The following MTRFR variants were observed in gnomAD, a reference collection of about 807,000 sequenced individuals.
MTRFR encodes probable peptide chain release factor C12orf65, mitochondrial.
MTRFR carries 10 observed loss-of-function variants against 11.9 expected under a neutral mutation model. The observed-to-expected ratio is 0.84, with a 90% CI of 0.52 to 1.42. The LOEUF is 1.42. Among genes scored for constraint, MTRFR ranks in the 40% most tolerant of loss-of-function variants. The pLI is 0.00. For missense variants in MTRFR, 196 were observed against 197.9 expected (o/e 0.99, Z 0.06); for synonymous variants, 77 against 79.1 (o/e 0.97, Z 0.14).
At chr12:123,255,815 C>G (rs1244361233) in intron 2 of MTRFR, among the ~76,000 whole-genome samples, 1 of 152,138 alleles carries the variant, frequency 6.6e-6, no homozygotes, top group African/African-American at 2.4e-5. Context: ...TTACTAGAGA[C>G]AAGGTTTCAC....
intron 1 of MTRFR, among the ~76,000 whole-genome samples, chr12:123,251,725 A>C (rs1191898568): frequency 6.6e-6 from 1 of 152,200 alleles, no homozygotes; most frequent in East Asian, 1.9e-4. Flanking sequence ...CGCTTCCTTC[A>C]GAGGGTCTGT....
intron 1 of MTRFR, among the ~76,000 whole-genome samples, chr12:123,241,943 G>A (rs950379161): frequency 6.6e-6 from 1 of 152,196 alleles, no homozygotes; most frequent in African/African-American, 2.4e-5. Context: ...AGGATGAGGG[G>A]CATAGAAAGT....
chr12:123,253,792 C>A lies in MTRFR; in HGVS notation c.118C>A (p.Pro40Thr), dbSNP rs1372097501. Reference sequence around the variant, plus strand: ...GTTATCCCCAGGAATAGCTGTCACTCCGGTCCAGATGGCAGGCAAGAAGGA... The same window carrying A: ...GTTATCCCCAGGAATAGCTGTCACTACGGTCCAGATGGCAGGCAAGAAGGA... ...TLLSPGIAVT[P>T]VQMAGKKDYP... Residue 40 changes from proline to threonine, a missense_variant, in exon 2 of 3, where the codon CCG becomes ACG. Pro to Thr is a conservative substitution (Grantham distance 38). Coordinates refer to ENST00000253233, the MANE Select transcript of MTRFR (RefSeq NM_152269.5). The A allele has an allele frequency of 6.2e-7, 1 of 1,614,104 alleles. No individual in the cohort carries two copies. The highest frequency in any genetic ancestry group is 8.5e-7 in the Non-Finnish European group (1 of 1,180,054).
At chr12:123,243,265 T>C (rs2138761441) in intron 1 of MTRFR, among the ~76,000 whole-genome samples, 1 of 150,352 alleles carries the variant, frequency 6.7e-6, no homozygotes, top group East Asian at 2.1e-4. Flanking sequence ...GCGCAATGGC[T>C]CACGCCTGTA....
chr12:123,240,845 T>C (rs1419423594), intron 1 of MTRFR, among the ~76,000 whole-genome samples: 2 of 149,984 alleles, frequency 1.3e-5, no homozygotes, highest in Non-Finnish European at 3.0e-5. Context: ...GCGATTCTCC[T>C]GCCTCAGCCT....
intron 1 of MTRFR, among the ~76,000 whole-genome samples, chr12:123,241,156 TTG>T (rs1384579890): frequency 2.0e-5 from 3 of 149,424 alleles, no homozygotes; most frequent in Middle Eastern, 3.4e-3. Flanking sequence ...TTTTTTGTTT[TTG>T]TTTTTTTTTT....
At chr12:123,248,864 A>G (rs1282038682) in intron 1 of MTRFR, 1 of 152,192 alleles carries the variant, frequency 6.6e-6, no homozygotes, top group Non-Finnish European at 1.5e-5. Context: ...CAGGGTGCTG[A>G]TTGGTGCGTT....
chr12:123,254,472 TC>T (rs1399308971), intron 2 of MTRFR: 1 of 169,060 alleles, frequency 5.9e-6, no homozygotes, highest in Non-Finnish European at 1.3e-5. Context: ...GGTGGCCACA[TC>T]CTCCACGCCT....
At chr12:123,239,624 G>C (rs1357161430) in intron 1 of MTRFR, among the ~76,000 whole-genome samples, 2 of 152,046 alleles carry the variant, frequency 1.3e-5, no homozygotes, top group Non-Finnish European at 2.9e-5. Flanking sequence ...GGATGGTCTC[G>C]ATCTCCTGAC....
chr12:123,253,202 C>T (rs572006448), intron 1 of MTRFR, among the ~76,000 whole-genome samples: 268 of 148,292 alleles, frequency 1.8e-3, no homozygotes, highest in African/African-American at 6.3e-3. Flanking sequence ...CCACCAAGCC[C>T]GGCTAATTTT....
chr12:123,234,894 C>T (rs1298141082), intron 1 of MTRFR, among the ~76,000 whole-genome samples: 1 of 152,130 alleles, frequency 6.6e-6, no homozygotes, highest in African/African-American at 2.4e-5. Context: ...ATTTCACAGA[C>T]CAGAATTATG....
rs1253690376 is a variant in MTRFR at position 123,253,827 on chromosome 12, A to G, written c.153A>G (p.Ala51=). ...VQMAGKKDYP[A]LLSLDENELE... is the part of the protein sequence containing the mutation. ...TGGCAGGCAAGAAGGACTACCCTGCACTGCTTTCCTTGGATGAGAATGAAC... is the reference window on the plus strand; with the variant it reads ...TGGCAGGCAAGAAGGACTACCCTGCGCTGCTTTCCTTGGATGAGAATGAAC... The change falls in exon 2 of 3, where the codon GCA becomes GCG. Residue 51 remains alanine, a synonymous_variant. Transcript: ENST00000253233. 2.5e-6 allele frequency: 4 copies of G among 1,614,092 alleles called. No individual in the cohort carries two copies. The Admixed American group carries it at 5.0e-5, about 20-fold the overall frequency.
At chr12:123,236,506 C>T (rs937194198) in intron 1 of MTRFR, among the ~76,000 whole-genome samples, 2 of 151,178 alleles carry the variant, frequency 1.3e-5, no homozygotes, top group African/African-American at 4.9e-5. Flanking sequence ...GGCAAAGAAG[C>T]TTGCTTGAGC....
intron 1 of MTRFR, among the ~76,000 whole-genome samples, chr12:123,240,347 A>T (rs371065707): frequency 6.8e-6 from 1 of 147,968 alleles, no homozygotes; most frequent in African/African-American, 2.5e-5. Flanking sequence ...GACTCCGTCT[A>T]AAAAAAAAAG....
chr12:123,254,233 A>G (rs1197681115), intron 2 of MTRFR: 3 of 461,842 alleles, frequency 6.5e-6, no homozygotes, highest in Non-Finnish European at 1.2e-5. Context: ...GGCAGACAGC[A>G]CTGGTGCTTG....
intron 1 of MTRFR, chr12:123,250,033 T>G (rs771865418): frequency 6.6e-6 from 1 of 152,246 alleles, no homozygotes; most frequent in African/African-American, 2.4e-5. Flanking sequence ...GTTTGGTCGT[T>G]TAACACAATC....
rs147098739 is a variant in MTRFR, at chr12:123,256,856, G to A, written c.326G>A (p.Arg109Gln). ...RSVDQNRKLA[R>Q]KILQEKVDVF... ...GTTGATCAGAACAGAAAGCTAGCTC[G>A]GAAAATCCTACAAGAGAAAGTAGAT... The change falls in exon 3 of 3, where the codon CGG becomes CAG. Residue 109 changes from arginine to glutamine, a missense_variant. Coordinates refer to ENST00000253233, the MANE Select transcript of MTRFR (RefSeq NM_152269.5). The A allele has an allele frequency of 1.5e-5, 25 of 1,613,664 alleles. No homozygotes were observed. In the African/African-American group the frequency reaches 2.8e-4, roughly 18 times the overall value.
At chr12:123,236,751 G>A (rs1219025365) in intron 1 of MTRFR, among the ~76,000 whole-genome samples, 1 of 152,094 alleles carries the variant, frequency 6.6e-6, no homozygotes, top group Non-Finnish European at 1.5e-5. Flanking sequence ...TGTTTTAATA[G>A]TGTAGTTGAT....
chr12:123,235,766 T>C (rs1047192279), intron 1 of MTRFR, among the ~76,000 whole-genome samples: 1 of 151,974 alleles, frequency 6.6e-6, no homozygotes, highest in African/African-American at 2.4e-5. Context: ...ACTAGTCTTT[T>C]TAAAAAGAGA....
Sources: allele counts gnomAD v4.1 joint callset (sites outside exome capture counted in the v4.1 genomes callset), GRCh38; gene constraint gnomAD v4.1.1; transcripts MANE v1.5; gene names NCBI Gene and HGNC (gene_info 2026-07-23, HGNC 2026-07-21).